The following DLG2 variants were observed in gnomAD, a reference collection of about 807,000 sequenced individuals.
DLG2 encodes the protein disks large homolog 2.
Under a neutral mutation model 132.5 loss-of-function variants are expected in DLG2, and 45 were observed. That is an observed-to-expected ratio of 0.34 (90% confidence interval 0.27 to 0.44). The LOEUF (loss-of-function observed/expected upper bound fraction) is 0.44. DLG2 is among the 20% of genes least tolerant of loss of function. The probability of loss-of-function intolerance (pLI) is 1.00; values close to 1 mark genes in which losing one functional copy is unlikely to be tolerated. For synonymous variants in DLG2, 424 were observed against 419.6 expected, an observed-to-expected ratio of 1.01 and a Z score of -0.13; for missense variants, 1,045 against 1,196.9, an observed-to-expected ratio of 0.87 and a Z score of 1.87.
intron 6 of DLG2, among the ~76,000 whole-genome samples, chr11:84,852,761 TA>T (rs758091564): frequency 1.3e-5 from 2 of 151,940 alleles, no homozygotes; most frequent in Non-Finnish European, 2.9e-5. Context: ...ACAAATGGGT[TA>T]ATAAGGATGG....
chr11:85,513,992 T>G (rs1188103936), intron 3 of DLG2, among the ~76,000 whole-genome samples: 7 of 151,946 alleles, frequency 4.6e-5, no homozygotes. Context: ...ACAATTTAGT[T>G]TTCTCTTGAA....
At chr11:83,804,343 G>T (rs1212977095) in intron 17 of DLG2, among the ~76,000 whole-genome samples, 1 of 151,928 alleles carries the variant, frequency 6.6e-6, no homozygotes, top group African/African-American at 2.4e-5. Context: ...CAAAATATCT[G>T]TTGCTTTTGT....
At chr11:84,882,663 C>T (rs920741022) in intron 6 of DLG2, among the ~76,000 whole-genome samples, 1 of 151,950 alleles carries the variant, frequency 6.6e-6, no homozygotes, top group African/African-American at 2.4e-5. Flanking sequence ...AAAATGTTTT[C>T]GGTAAATCAA....
chr11:83,475,757 TC>T (rs1410416583), intron 22 of DLG2, among the ~76,000 whole-genome samples: 1 of 151,184 alleles, frequency 6.6e-6, no homozygotes, highest in African/African-American at 2.5e-5. Context: ...TTTCTTTGTT[TC>T]TTTTTCTTTT....
chr11:84,949,960 G>A (rs2050713797), intron 6 of DLG2, among the ~76,000 whole-genome samples: 1 of 152,058 alleles, frequency 6.6e-6, no homozygotes, highest in African/African-American at 2.4e-5. Context: ...AGTAAAGACG[G>A]GCATAAGAAA....
intron 11 of DLG2, among the ~76,000 whole-genome samples, chr11:84,028,880 C>T (rs1417267353): frequency 1.3e-5 from 2 of 151,960 alleles, no homozygotes; most frequent in African/African-American, 2.4e-5. Context: ...TGTCTACTTT[C>T]CCAGTAGGGT....
intron 18 of DLG2, among the ~76,000 whole-genome samples, chr11:83,783,349 C>T (rs1020809426): frequency 5.3e-5 from 8 of 152,062 alleles, no homozygotes; most frequent in African/African-American, 1.4e-4. Context: ...ACATTTATTG[C>T]TACATTATGT....
At position 85,331,495 on chromosome 11, in the gene DLG2, G is replaced by T. The variant is rs1263500823; in HGVS notation, c.41-46130C>A. ...CAACTTTTACTTTAGAATTGGGCGT[G>T]CATATGCAGGTCTGTTACATGGGTA... On this transcript the variant is annotated intron_variant, in intron 3 of 27. Coordinates refer to ENST00000376104, the MANE Select transcript of DLG2 (RefSeq NM_001142699.3). Among the ~76,000 whole-genome samples the T allele has an allele frequency of 2.0e-5, 3 of 152,048 alleles. No homozygotes were observed. The East Asian group carries it at 5.8e-4, about 29-fold the overall frequency.
At chr11:85,352,287 G>A (rs2083353198) in intron 3 of DLG2, among the ~76,000 whole-genome samples, 1 of 152,022 alleles carries the variant, frequency 6.6e-6, no homozygotes, top group Non-Finnish European at 1.5e-5. Flanking sequence ...GCGTCTATTT[G>A]ATTCTTCTCT....
At chr11:83,642,001 A>G (rs1238489234) in intron 18 of DLG2, among the ~76,000 whole-genome samples, 1 of 152,096 alleles carries the variant, frequency 6.6e-6, no homozygotes, top group African/African-American at 2.4e-5. Flanking sequence ...TCAGAATCCA[A>G]CTTAACCAGA....
At chr11:84,537,336 C>A (rs555103115) in intron 6 of DLG2, among the ~76,000 whole-genome samples, 1 of 152,094 alleles carries the variant, frequency 6.6e-6, no homozygotes, top group African/African-American at 2.4e-5. Context: ...CGAACTCTTA[C>A]CGCAGGTGAT....
chr11:85,001,836 T>G (rs775783398), intron 6 of DLG2, among the ~76,000 whole-genome samples: 1 of 152,208 alleles, frequency 6.6e-6, no homozygotes, highest in Non-Finnish European at 1.5e-5. Flanking sequence ...ATGTTAATCA[T>G]GCATGTGTGG....
chr11:84,959,358 C>G (rs1015941660), intron 6 of DLG2, among the ~76,000 whole-genome samples: 6 of 152,174 alleles, frequency 3.9e-5, no homozygotes, highest in Non-Finnish European at 8.8e-5. Flanking sequence ...GATGAATGTT[C>G]TAGGGGCTCA....
At chr11:84,795,044 A>G (rs983692200) in intron 6 of DLG2, among the ~76,000 whole-genome samples, 4 of 152,248 alleles carry the variant, frequency 2.6e-5, no homozygotes, top group African/African-American at 9.6e-5. Context: ...CCTGGGGACC[A>G]GGCTACCAGT....
chr11:84,331,310 G>T (rs1310745293), intron 7 of DLG2, among the ~76,000 whole-genome samples: 1 of 151,904 alleles, frequency 6.6e-6, no homozygotes, highest in African/African-American at 2.4e-5. Context: ...CTGGGGTAAA[G>T]AAATTGAGGT....
chr11:84,055,944 A>T (rs1594234813), intron 11 of DLG2, among the ~76,000 whole-genome samples: 1 of 152,158 alleles, frequency 6.6e-6, no homozygotes, highest in East Asian at 1.9e-4. Flanking sequence ...GTATATCTAG[A>T]TAACTCTGTA....
At chr11:83,558,155 A>G (rs1198740147) in intron 19 of DLG2, among the ~76,000 whole-genome samples, 1 of 152,178 alleles carries the variant, frequency 6.6e-6, no homozygotes, top group East Asian at 1.9e-4. Flanking sequence ...TCCCTTACTT[A>G]GTCCAAAACC....
chr11:85,396,035 A>C (rs545499357), intron 3 of DLG2, among the ~76,000 whole-genome samples: 5 of 151,942 alleles, frequency 3.3e-5, no homozygotes, highest in Non-Finnish European at 5.9e-5. Context: ...CACCTCAAAC[A>C]GGTGGGTGTT....
intron 18 of DLG2, among the ~76,000 whole-genome samples, chr11:83,732,520 G>A (rs1300012695): frequency 3.3e-5 from 5 of 152,136 alleles, no homozygotes; most frequent in African/African-American, 1.2e-4. Context: ...TGAATTTTCC[G>A]TGTAGTGAAA....
Sources: allele counts gnomAD v4.1 joint callset (sites outside exome capture counted in the v4.1 genomes callset), GRCh38; gene constraint gnomAD v4.1.1; transcripts MANE v1.5; gene names NCBI Gene and HGNC (gene_info 2026-07-23, HGNC 2026-07-21).